GABPB1: variants seen among roughly 807,000 people sequenced by gnomAD.
GABPB1 encodes GA-binding protein subunit beta-1.
GABPB1 carries 15 observed loss-of-function variants against 45.9 expected under a neutral mutation model. The observed-to-expected ratio is 0.33, with a 90% CI of 0.22 to 0.50. The LOEUF (loss-of-function observed/expected upper bound fraction) is 0.50, where lower values mean the gene tolerates loss of function less well. Among genes scored for constraint, GABPB1 ranks in the 20% least tolerant of loss-of-function variants. The probability of loss-of-function intolerance (pLI) is 0.98; values close to 1 mark genes in which losing one functional copy is unlikely to be tolerated. For synonymous variants in GABPB1, 143 were observed against 154.4 expected (o/e 0.93, Z 0.55); for missense variants, 252 against 457.5 (o/e 0.55, Z 4.10).
At chr15:50,285,553 A>AG (rs1162202051) in intron 8 of GABPB1, among the ~76,000 whole-genome samples, 4 of 152,232 alleles carry the variant, frequency 2.6e-5, no homozygotes, top group African/African-American at 7.2e-5. Flanking sequence ...ACTTTGGGAG[A>AG]GGGGAAAAAA....
At chr15:50,285,963 AT>A in intron 8 of GABPB1, 104 bp downstream of exon 8, 1 of 1,494,406 alleles carries the variant, frequency 6.7e-7, no homozygotes, top group South Asian at 1.4e-5. Context: ...ACGCACTTTC[AT>A]TCTGTATCAA....
intron 6 of GABPB1, among the ~76,000 whole-genome samples, chr15:50,292,398 T>G (rs756298321): frequency 2.0e-5 from 3 of 151,444 alleles, no homozygotes; most frequent in Non-Finnish European, 4.4e-5. Flanking sequence ...TAGTGGGTGC[T>G]AAAAGCATTG....
intron 2 of GABPB1, among the ~76,000 whole-genome samples, chr15:50,308,609 C>T (rs2047023928): frequency 6.6e-6 from 1 of 152,118 alleles, no homozygotes; most frequent in Admixed American, 6.6e-5. Flanking sequence ...ACTCTCAGGT[C>T]TTTAGCTTTA....
chr15:50,354,599 G>A (rs967409150), intron 1 of GABPB1: 2 of 446,166 alleles, frequency 4.5e-6, no homozygotes, highest in Non-Finnish European at 8.9e-6. Context: ...ACCTCCAGTC[G>A]CCCGCAGAAC....
At chr15:50,289,773 T>A in intron 6 of GABPB1, 105 bp from the exon 7 acceptor site, 1 of 786,292 alleles carries the variant, frequency 1.3e-6, no homozygotes, top group Non-Finnish European at 1.9e-6. Flanking sequence ...CTTTCTTTTC[T>A]TTTTTCTTTT....
chr15:50,349,257 C>A (rs781606600), intron 1 of GABPB1: 3 of 151,474 alleles, frequency 2.0e-5, no homozygotes, highest in African/African-American at 4.8e-5. Flanking sequence ...CACATTACTA[C>A]CTTGCCCATA....
chr15:50,301,124 A>G lies in GABPB1; in HGVS notation c.583+133T>C, dbSNP rs2046727016. The G allele has an allele frequency of 2.4e-6, 3 of 1,271,912 alleles. No individual in the cohort carries two copies. The East Asian group carries it at 7.0e-5, about 30-fold the overall frequency. The allele number at this position is 1,271,912 out of a possible 1,614,324, so 78.8% of individuals were successfully genotyped here. A position where few individuals can be genotyped will look rare whatever the true frequency, so the allele number is the denominator to read the frequency against. ...ACCAAAGAAAACAAAGGTGGCTGAT[A>G]GAATCTTACCCTCATTCTCCAACCG... On this transcript the variant is annotated intron_variant, in intron 5 of 8. Coordinates refer to ENST00000380877, the MANE Select transcript of GABPB1 (RefSeq NM_016654.5).
intron 1 of GABPB1, among the ~76,000 whole-genome samples, chr15:50,326,216 A>C (rs1335797328): frequency 6.6e-6 from 1 of 152,082 alleles, no homozygotes; most frequent in Non-Finnish European, 1.5e-5. Context: ...GGATTCTTTT[A>C]GAAAAACTTC....
rs1363302992 is a variant in GABPB1, at chr15:50,277,815, G to A, written c.*817C>T. 6.6e-6 allele frequency: 1 copy of A among 152,594 alleles called. No homozygotes were observed. Among genetic ancestry groups the A allele is most frequent in the Admixed American group, 6.5e-5 (1 of 15,278 alleles). 9.5% of individuals were successfully genotyped at this position (152,594 alleles called of 1,614,324 possible). On this transcript the variant is annotated 3_prime_UTR_variant, in exon 9 of 9. Transcript: ENST00000380877. ...ACTCTTAAATTTTCAAAAAAGCACAGATTTTGCAGAATTGGCAAATTCAAG... is the reference window on the plus strand; with the variant it reads ...ACTCTTAAATTTTCAAAAAAGCACAAATTTTGCAGAATTGGCAAATTCAAG...
At chr15:50,325,088 G>T (rs2047702226) in intron 1 of GABPB1, among the ~76,000 whole-genome samples, 1 of 152,028 alleles carries the variant, frequency 6.6e-6, no homozygotes, top group South Asian at 2.1e-4. Context: ...TAAATGTCAG[G>T]TCCTTTCTAA....
chr15:50,289,961 G>T (rs907654408), intron 6 of GABPB1, among the ~76,000 whole-genome samples: 3 of 151,852 alleles, frequency 2.0e-5, no homozygotes, highest in African/African-American at 7.3e-5. Flanking sequence ...TAGGGATGGG[G>T]TCTTGCTATG....
intron 1 of GABPB1, chr15:50,352,847 G>A (rs375851696): frequency 6.6e-6 from 1 of 152,078 alleles, no homozygotes; most frequent in African/African-American, 2.4e-5. Context: ...ATTAAAATAC[G>A]GCCTTAAATT....
intron 7 of GABPB1, among the ~76,000 whole-genome samples, chr15:50,288,555 T>C (rs1458434178): frequency 6.6e-6 from 1 of 152,186 alleles, no homozygotes; most frequent in African/African-American, 2.4e-5. Flanking sequence ...ATTGCTGAGC[T>C]TAACCCCTTT....
At chr15:50,346,696 G>C (rs1167933026) in intron 1 of GABPB1, among the ~76,000 whole-genome samples, 2 of 148,830 alleles carry the variant, frequency 1.3e-5, no homozygotes, top group East Asian at 3.9e-4. Context: ...ATAAGGCACT[G>C]GCAGATTCAG....
chr15:50,343,821 G>C (rs11630063), intron 1 of GABPB1, among the ~76,000 whole-genome samples: 26,571 of 152,108 alleles, frequency 0.17, 2,479 homozygotes, highest in Middle Eastern at 0.23. Context: ...ACAGGCATGA[G>C]CCACCACACC....
In GABPB1 at chr15:50,276,217, T is replaced by A. The variant is rs1429923750; in HGVS notation, c.*2415A>T. ...AACAATTATGTGGATTTCTGAAAAC[T>A]TTTATTTCATATACTTTTATTTTTG... On this transcript the variant is annotated 3_prime_UTR_variant, in exon 9 of 9. Coordinates refer to ENST00000380877, the MANE Select transcript of GABPB1 (RefSeq NM_016654.5). 6.6e-6 allele frequency: 1 copy of A among 152,226 alleles called. No homozygotes were observed. The highest frequency in any genetic ancestry group is 6.5e-5 in the Admixed American group (1 of 15,288). 9.4% of individuals were successfully genotyped at this position (152,226 alleles called of 1,614,324 possible).
intron 1 of GABPB1, among the ~76,000 whole-genome samples, chr15:50,345,697 CA>C (rs1477674549): frequency 6.7e-6 from 1 of 149,816 alleles, no homozygotes; most frequent in Non-Finnish European, 1.5e-5. Flanking sequence ...TCCCAAAGTA[CA>C]GATGTCTGTA....
chr15:50,290,590 C>CAA (rs201704921), intron 6 of GABPB1, among the ~76,000 whole-genome samples: 2,777 of 112,184 alleles, frequency 0.025, 82 homozygotes, highest in African/African-American at 0.084. Context: ...GACCCTGTCT[C>CAA]AAAAAAAAAA....
chr15:50,344,258 G>A (rs75356326), intron 1 of GABPB1, among the ~76,000 whole-genome samples: 3,072 of 152,298 alleles, frequency 0.02, 102 homozygotes, highest in African/African-American at 0.071. Context: ...TCAGAAAGTA[G>A]AATTTGGACT....
Sources: allele counts gnomAD v4.1 joint callset (sites outside exome capture counted in the v4.1 genomes callset), GRCh38; gene constraint gnomAD v4.1.1; transcripts MANE v1.5; gene names NCBI Gene and HGNC (gene_info 2026-07-23, HGNC 2026-07-21).